Variants in NKAIN2 observed in about 807,000 individuals in gnomAD.
NKAIN2 encodes sodium/potassium-transporting ATPase subunit beta-1-interacting protein 2.
In NKAIN2, 14 loss-of-function variants were observed where a neutral mutation model predicts 32.6. The ratio of observed to expected loss-of-function variants is 0.43; its 90% CI spans 0.28 to 0.67. The LOEUF is 0.67. Among genes scored for constraint, NKAIN2 ranks in the 30% least tolerant of loss-of-function variants. The pLI is 0.17. For synonymous variants in NKAIN2, 80 were observed against 87.2 expected (o/e 0.92, Z 0.46); for missense variants, 198 against 258.3 (o/e 0.77, Z 1.60).
intron 3 of NKAIN2, among the ~76,000 whole-genome samples, chr6:124,643,471 G>C (rs1291010313): frequency 6.6e-6 from 1 of 152,078 alleles, no homozygotes; most frequent in African/African-American, 2.4e-5. Flanking sequence ...GACATAGATT[G>C]TCCACATCAC....
chr6:123,842,411 G>A (rs1317071778), intron 1 of NKAIN2, among the ~76,000 whole-genome samples: 2 of 151,986 alleles, frequency 1.3e-5, no homozygotes, highest in Non-Finnish European at 2.9e-5. Context: ...TTCTTATAAG[G>A]ACACTAGACC....
At chr6:124,140,388 C>T (rs1787075340) in intron 1 of NKAIN2, among the ~76,000 whole-genome samples, 1 of 152,130 alleles carries the variant, frequency 6.6e-6, no homozygotes, top group African/African-American at 2.4e-5. Flanking sequence ...TGGTGTGAGA[C>T]AATTTGCTAT....
At chr6:124,659,201 T>G (rs1321851372) in intron 4 of NKAIN2, among the ~76,000 whole-genome samples, 1 of 152,182 alleles carries the variant, frequency 6.6e-6, no homozygotes, top group Non-Finnish European at 1.5e-5. Flanking sequence ...AATGCAGAAC[T>G]GCATAGATTT....
At chr6:124,238,560 G>C (rs943190692) in intron 1 of NKAIN2, among the ~76,000 whole-genome samples, 2 of 151,806 alleles carry the variant, frequency 1.3e-5, no homozygotes, top group African/African-American at 4.8e-5. Flanking sequence ...GACTGAATAG[G>C]AACAGCTCCT....
intron 1 of NKAIN2, among the ~76,000 whole-genome samples, chr6:123,848,960 A>G (rs182155251): frequency 1.3e-5 from 2 of 152,336 alleles, no homozygotes; most frequent in East Asian, 3.9e-4. Context: ...GCTAAACTTT[A>G]AAAATCATAT....
chr6:124,221,137 C>A (rs1313899847), intron 1 of NKAIN2, among the ~76,000 whole-genome samples: 3 of 151,576 alleles, frequency 2.0e-5, no homozygotes, highest in African/African-American at 7.3e-5. Context: ...TTCACAATAG[C>A]AAAGACTTGG....
chr6:124,652,753 A>C (rs1784410132), intron 3 of NKAIN2, among the ~76,000 whole-genome samples: 1 of 152,138 alleles, frequency 6.6e-6, no homozygotes, highest in Non-Finnish European at 1.5e-5. Context: ...AAAAAAGGCC[A>C]GTCTCACCCT....
intron 3 of NKAIN2, among the ~76,000 whole-genome samples, chr6:124,456,701 G>A (rs563450925): frequency 6.6e-6 from 1 of 151,656 alleles, no homozygotes; most frequent in Non-Finnish European, 1.5e-5. Context: ...CTTTGACTCC[G>A]TGAACATTTT....
At chr6:124,083,849 C>G (rs1027960184) in intron 1 of NKAIN2, among the ~76,000 whole-genome samples, 1 of 151,942 alleles carries the variant, frequency 6.6e-6, no homozygotes, top group Non-Finnish European at 1.5e-5. Context: ...ACTATGGTTA[C>G]AGAGAGCATG....
intron 1 of NKAIN2, among the ~76,000 whole-genome samples, chr6:124,167,255 T>A (rs2114481801): frequency 6.6e-6 from 1 of 151,284 alleles, no homozygotes; most frequent in African/African-American, 2.4e-5. Context: ...GTTGGATTCC[T>A]AGGTATTTTA....
At chr6:124,615,050 T>C (rs745827889) in intron 3 of NKAIN2, among the ~76,000 whole-genome samples, 6 of 152,206 alleles carry the variant, frequency 3.9e-5, no homozygotes, top group Non-Finnish European at 7.4e-5. Flanking sequence ...CCATTTCATT[T>C]ATCTGTTGGA....
At chr6:124,639,578 A>G (rs1331605708) in intron 3 of NKAIN2, among the ~76,000 whole-genome samples, 1 of 152,072 alleles carries the variant, frequency 6.6e-6, no homozygotes, top group Non-Finnish European at 1.5e-5. Flanking sequence ...AGGTTGCAGT[A>G]AGCCGAGATC....
intron 1 of NKAIN2, among the ~76,000 whole-genome samples, chr6:124,271,226 AT>A (rs111596206): frequency 1.0e-4 from 15 of 150,114 alleles, no homozygotes; most frequent in African/African-American, 2.9e-4. Context: ...CTCCTTTCTT[AT>A]TTTTTTTTGA....
At chr6:124,065,074 C>T (rs984501235) in intron 1 of NKAIN2, among the ~76,000 whole-genome samples, 11 of 152,102 alleles carry the variant, frequency 7.2e-5, no homozygotes, top group Non-Finnish European at 1.2e-4. Flanking sequence ...TATTTTCTGT[C>T]GTCCCACAAG....
At position 124,013,844 on chromosome 6, in the gene NKAIN2, G is replaced by C. The variant is rs550969731; in HGVS notation, c.54+209590G>C. Among the ~76,000 whole-genome samples the C allele has an allele frequency of 1.6e-4, 25 of 152,228 alleles. No individual in the cohort carries two copies. The Middle Eastern group carries it at 0.01, about 62-fold the overall frequency. On this transcript the variant is annotated intron_variant, in intron 1 of 6. Transcript: ENST00000368417. ...GATGTGGCCTTTCTGGCTTTGAAAA[G>C]GGTAGAAGGTTCACAAGCCAATGAA...
At chr6:124,275,554 G>GAATTATAAT (rs1794991639) in intron 1 of NKAIN2, among the ~76,000 whole-genome samples, 1 of 152,068 alleles carries the variant, frequency 6.6e-6, no homozygotes, top group African/African-American at 2.4e-5. Flanking sequence ...GGAAACAGAG[G>GAATTATAAT]AATTATAATG....
chr6:124,375,130 C>T (rs759920338), intron 3 of NKAIN2, among the ~76,000 whole-genome samples: 19 of 152,140 alleles, frequency 1.2e-4, no homozygotes, highest in Non-Finnish European at 2.1e-4. Context: ...AATAAGACAA[C>T]TCCTTATCTT....
chr6:123,895,087 C>G (rs1774208096), intron 1 of NKAIN2, among the ~76,000 whole-genome samples: 2 of 151,520 alleles, frequency 1.3e-5, no homozygotes, highest in African/African-American at 4.9e-5. Flanking sequence ...CTTTCCTGCC[C>G]CTCTGTCCTA....
chr6:123,898,551 G>GT (rs11348160), intron 1 of NKAIN2, among the ~76,000 whole-genome samples: 1,956 of 131,758 alleles, frequency 0.015, 22 homozygotes, highest in South Asian at 0.054. Context: ...CTCCAGGGGT[G>GT]TTTTTTTTTT....
Sources: allele counts gnomAD v4.1 joint callset (sites outside exome capture counted in the v4.1 genomes callset), GRCh38; gene constraint gnomAD v4.1.1; transcripts MANE v1.5; gene names NCBI Gene and HGNC (gene_info 2026-07-23, HGNC 2026-07-21).